The following CHL1 variants were observed in gnomAD, a reference collection of about 807,000 sequenced individuals.
CHL1 encodes the protein cell adhesion molecule L1 like.
In CHL1, 96 loss-of-function variants were observed where a neutral mutation model predicts 141.9. That is an observed-to-expected ratio of 0.68 (90% confidence interval 0.57 to 0.80). The LOEUF (loss-of-function observed/expected upper bound fraction) is 0.80. Ranked by LOEUF, CHL1 falls within the 30% of genes least tolerant of loss-of-function variation. The pLI, the probability that CHL1 is intolerant of heterozygous loss-of-function variation, is 0.00. For missense variants in CHL1, 1,820 were observed against 1,457.2 expected (o/e 1.25, Z -4.05); for synonymous variants, 613 against 502.2 (o/e 1.22, Z -2.95).
chr3:307,078 A>AT (rs1699303265), intron 2 of CHL1, among the ~76,000 whole-genome samples: 1 of 152,174 alleles, frequency 6.6e-6, no homozygotes, highest in South Asian at 2.1e-4. Context: ...ACCGCAGATA[A>AT]TAGTTTCTTC....
intron 2 of CHL1, among the ~76,000 whole-genome samples, chr3:319,050 C>G (rs114648877): frequency 0.011 from 1,695 of 151,238 alleles, 28 homozygotes; most frequent in African/African-American, 0.04. Context: ...AGCAAATTAA[C>G]TCAGGACCAG....
intron 26 of CHL1, among the ~76,000 whole-genome samples, chr3:399,469 G>T (rs1044042469): frequency 6.6e-6 from 1 of 151,874 alleles, no homozygotes; most frequent in East Asian, 1.9e-4. Context: ...ATGAAACCCC[G>T]TCTCTACTAA....
intron 2 of CHL1, among the ~76,000 whole-genome samples, chr3:300,743 C>T (rs974489005): frequency 4.0e-5 from 6 of 151,246 alleles, no homozygotes; most frequent in Admixed American, 2.0e-4. Flanking sequence ...TAAGTGCTCT[C>T]GTGTGAAACA....
intron 11 of CHL1, among the ~76,000 whole-genome samples, chr3:355,383 C>T (rs75000016): frequency 0.011 from 1,606 of 152,252 alleles, 7 homozygotes; most frequent in Middle Eastern, 0.02. Context: ...ATGGGCTGGG[C>T]GGGGAAAGAC....
At chr3:271,819 G>A (rs1234609366) in intron 2 of CHL1, among the ~76,000 whole-genome samples, 1 of 152,148 alleles carries the variant, frequency 6.6e-6, no homozygotes, top group Non-Finnish European at 1.5e-5. Flanking sequence ...TGTTGGGGAA[G>A]CATCTTAGTT....
intron 4 of CHL1, among the ~76,000 whole-genome samples, chr3:326,817 A>G (rs1247732627): frequency 1.3e-5 from 2 of 151,918 alleles, no homozygotes; most frequent in South Asian, 2.1e-4. Flanking sequence ...AAGAATATCC[A>G]TATTTAATGA....
rs370705929 is a variant in CHL1 at position 344,712 on chromosome 3, G to A, written c.848+3G>A. The A allele has an allele frequency of 4.0e-5, 65 of 1,613,228 alleles. No individual in the cohort carries two copies. The highest frequency in any genetic ancestry group is 4.9e-5 in the Non-Finnish European group (58 of 1,179,646). On this transcript the variant is annotated splice_donor_region_variant and intron_variant, in intron 9 of 27. Coordinates refer to ENST00000256509, the MANE Select transcript of CHL1 (RefSeq NM_006614.4). The stretch of plus-strand genomic sequence containing the variant: ...CTTGAGTGTTTTGCTGAAGGCTTGT[G>A]AGTAACCTGACTCTCACTCATGACT...
At chr3:378,832 T>G (rs1706674117) in intron 16 of CHL1, among the ~76,000 whole-genome samples, 1 of 152,128 alleles carries the variant, frequency 6.6e-6, no homozygotes, top group Non-Finnish European at 1.5e-5. Flanking sequence ...ATTTCAAGTC[T>G]CTCTCACACC....
At chr3:233,221 C>T (rs1433950269) in intron 1 of CHL1, among the ~76,000 whole-genome samples, 1 of 152,120 alleles carries the variant, frequency 6.6e-6, no homozygotes, top group African/African-American at 2.4e-5. Context: ...TCTGTGCGAT[C>T]CAACTTTTCA....
intron 2 of CHL1, among the ~76,000 whole-genome samples, chr3:295,717 A>G (rs966449317): frequency 2.0e-5 from 3 of 152,198 alleles, no homozygotes; most frequent in Non-Finnish European, 2.9e-5. Context: ...ATTAAACACA[A>G]TTTTCTAAGC....
chr3:240,047 A>G (rs1460225089), intron 1 of CHL1, among the ~76,000 whole-genome samples: 1 of 152,204 alleles, frequency 6.6e-6, no homozygotes, highest in Non-Finnish European at 1.5e-5. Flanking sequence ...TTGTGCTGCT[A>G]TAAACATGCA....
chr3:208,093 T>C (rs574534902), intron 1 of CHL1, among the ~76,000 whole-genome samples: 2 of 152,298 alleles, frequency 1.3e-5, no homozygotes, highest in East Asian at 3.9e-4. Context: ...GACCTTCTTT[T>C]GAAAACTTGT....
intron 1 of CHL1, among the ~76,000 whole-genome samples, chr3:199,889 A>C (rs17329226): frequency 0.38 from 57,231 of 152,034 alleles, 11,778 homozygotes; most frequent in African/African-American, 0.51. Context: ...TTGTATTTTT[A>C]ACCGATAAAA....
At chr3:278,713 GA>G (rs1696373831) in intron 2 of CHL1, among the ~76,000 whole-genome samples, 1 of 152,170 alleles carries the variant, frequency 6.6e-6, no homozygotes, top group Non-Finnish European at 1.5e-5. Context: ...TGGGTTACTG[GA>G]CACAATGAAT....
At chr3:242,487 C>T (rs543819253) in intron 1 of CHL1, among the ~76,000 whole-genome samples, 1,558 of 149,672 alleles carry the variant, frequency 0.01, 6 homozygotes, top group Middle Eastern at 0.014. Flanking sequence ...TCCCAGCTAC[C>T]TGGGAGGCTG....
chr3:352,994 G>A (rs1458226009), intron 10 of CHL1, among the ~76,000 whole-genome samples: 1 of 152,144 alleles, frequency 6.6e-6, no homozygotes, highest in African/African-American at 2.4e-5. Flanking sequence ...GTGGAATGGC[G>A]AGAACAGGAA....
At position 365,931 on chromosome 3, in the gene CHL1, C is replaced by T; in HGVS notation, c.1586-19C>T. 6.2e-7 allele frequency: 1 copy of T among 1,604,248 alleles called. No individual in the cohort carries two copies. Among genetic ancestry groups the T allele is most frequent in the African/African-American group, 1.3e-5 (1 of 74,684 alleles). On this transcript the variant is annotated intron_variant, in intron 14 of 27. Coordinates refer to ENST00000256509, the MANE Select transcript of CHL1 (RefSeq NM_006614.4). Reference sequence around the variant, plus strand: ...AGTTACGCTTAGTTCTAACTAATATCTTTGTTTGGTAAAAACAGATGCTAC... The same window carrying T: ...AGTTACGCTTAGTTCTAACTAATATTTTTGTTTGGTAAAAACAGATGCTAC...
intron 14 of CHL1, among the ~76,000 whole-genome samples, chr3:364,639 T>C (rs144786631): frequency 1.7e-4 from 26 of 150,962 alleles, no homozygotes; most frequent in African/African-American, 6.1e-4. Context: ...TAAGGACACT[T>C]TTTTTTTTAC....
intron 13 of CHL1, among the ~76,000 whole-genome samples, chr3:362,482 C>T (rs760200599): frequency 1.3e-5 from 2 of 152,040 alleles, no homozygotes; most frequent in African/African-American, 4.8e-5. Context: ...TTTCAAAATA[C>T]TAGATTGAAA....
Sources: allele counts gnomAD v4.1 joint callset (sites outside exome capture counted in the v4.1 genomes callset), GRCh38; gene constraint gnomAD v4.1.1; transcripts MANE v1.5; gene names NCBI Gene and HGNC (gene_info 2026-07-23, HGNC 2026-07-21).